Variants in SPTY2D1 observed in about 807,000 individuals in gnomAD.
The protein encoded by SPTY2D1 is protein SPT2 homolog.
In SPTY2D1, 21 loss-of-function variants were observed where a neutral mutation model predicts 64.0. The observed-to-expected ratio is 0.33, with a 90% CI of 0.23 to 0.47. The LOEUF (loss-of-function observed/expected upper bound fraction) is 0.47, where lower values mean the gene tolerates loss of function less well. Ranked by LOEUF, SPTY2D1 falls within the 20% of genes least tolerant of loss-of-function variation. The probability of loss-of-function intolerance (pLI) is 1.00; values close to 1 mark genes in which losing one functional copy is unlikely to be tolerated. For synonymous variants in SPTY2D1, 287 were observed against 286.8 expected (o/e 1.00, Z -0.01); for missense variants, 724 against 837.2 (o/e 0.86, Z 1.67).
At chr11:18,626,900 C>G (rs908818914) in intron 1 of SPTY2D1, among the ~76,000 whole-genome samples, 3 of 152,078 alleles carry the variant, frequency 2.0e-5, no homozygotes, top group Admixed American at 2.0e-4. Context: ...AGGTACTGCT[C>G]TAGGCTAGAA....
intron 1 of SPTY2D1, among the ~76,000 whole-genome samples, chr11:18,630,903 CCT>C (rs1473458419): frequency 6.6e-6 from 1 of 152,148 alleles, no homozygotes; most frequent in African/African-American, 2.4e-5. Context: ...CTCACTGCAA[CCT>C]CTGTCTTACT....
At chr11:18,619,374 T>C (rs1428815050) in intron 1 of SPTY2D1, among the ~76,000 whole-genome samples, 1 of 151,294 alleles carries the variant, frequency 6.6e-6, no homozygotes, top group South Asian at 2.1e-4. Flanking sequence ...ATCCTAGCAC[T>C]TTAGGAGGCT....
chr11:18,628,906 T>A (rs1854541535), intron 1 of SPTY2D1, among the ~76,000 whole-genome samples: 1 of 152,212 alleles, frequency 6.6e-6, no homozygotes, highest in Non-Finnish European at 1.5e-5. Flanking sequence ...CTATCATTTT[T>A]TATGCAGACT....
At position 18,615,689 on chromosome 11, in the gene SPTY2D1, T is replaced by A. The variant is rs776672974; in HGVS notation, c.585A>T (p.Arg195=). ...EIKVVKKSEE[R]PMTAEELRER... ...CCCTAAGTTCTTCTGCGGTCATAGG[T>A]CGCTCTTCTGATTTCTTCACTACCT... The change falls in exon 3 of 6, where the codon CGA becomes CGT. Residue 195 remains arginine, a synonymous_variant. Coordinates refer to ENST00000336349, the MANE Select transcript of SPTY2D1 (RefSeq NM_194285.3). 8 of 1,613,996 alleles carry A rather than the reference T, an allele frequency of 5.0e-6. No homozygotes were observed. The highest frequency in any genetic ancestry group is 1.3e-5 in the African/African-American group (1 of 74,878).
At chr11:18,618,639 C>T (rs2134112814) in intron 1 of SPTY2D1, among the ~76,000 whole-genome samples, 1 of 152,230 alleles carries the variant, frequency 6.6e-6, no homozygotes, top group African/African-American at 2.4e-5. Flanking sequence ...GTTGCTGTGG[C>T]TAGCAGAAAA....
At chr11:18,633,065 G>A (rs1277128175) in intron 1 of SPTY2D1, among the ~76,000 whole-genome samples, 1 of 152,082 alleles carries the variant, frequency 6.6e-6, no homozygotes, top group Non-Finnish European at 1.5e-5. Context: ...TTAGAGGAAT[G>A]GTTATTCAGA....
At chr11:18,629,523 G>A (rs933402474) in intron 1 of SPTY2D1, among the ~76,000 whole-genome samples, 4 of 152,092 alleles carry the variant, frequency 2.6e-5, no homozygotes, top group South Asian at 2.1e-4. Flanking sequence ...TTATAGCTAT[G>A]TGAAACCTGT....
intron 3 of SPTY2D1, among the ~76,000 whole-genome samples, chr11:18,614,095 G>C (rs906744893): frequency 6.6e-6 from 1 of 152,082 alleles, no homozygotes; most frequent in South Asian, 2.1e-4. Flanking sequence ...AGAGATCCTA[G>C]ACAAGTCTCT....
intron 1 of SPTY2D1, among the ~76,000 whole-genome samples, chr11:18,627,636 T>C (rs1215256977): frequency 2.6e-5 from 4 of 152,044 alleles, no homozygotes; most frequent in Non-Finnish European, 5.9e-5. Flanking sequence ...TCCACCACTT[T>C]GGGAGGCCGA....
intron 5 of SPTY2D1, among the ~76,000 whole-genome samples, chr11:18,610,477 CAT>C (rs1854183805): frequency 6.6e-6 from 1 of 151,718 alleles, no homozygotes; most frequent in South Asian, 2.1e-4. Flanking sequence ...GCCTGGCCAA[CAT>C]ATGGTGAAAC....
chr11:18,624,340 A>G (rs570195458), intron 1 of SPTY2D1, among the ~76,000 whole-genome samples: 1 of 152,324 alleles, frequency 6.6e-6, no homozygotes, highest in South Asian at 2.1e-4. Flanking sequence ...GGATGCATCC[A>G]TCAATTCTGA....
At chr11:18,611,131 AAAAAC>A (rs1270030035) in intron 5 of SPTY2D1, among the ~76,000 whole-genome samples, 2 of 151,604 alleles carry the variant, frequency 1.3e-5, no homozygotes, top group African/African-American at 4.8e-5. Flanking sequence ...CCCATCTCTT[AAAAAC>A]AAAACAAACA....
Position 18,612,607 on chromosome 11 carries a change from C to G in SPTY2D1, c.1712-119G>C. The G allele has an allele frequency of 1.1e-6, 1 of 905,460 alleles. No homozygotes were observed. Among genetic ancestry groups the G allele is most frequent in the South Asian group, 2.4e-5 (1 of 41,766 alleles). The allele number at this position is 905,460 out of a possible 1,614,324, so 56.1% of individuals were successfully genotyped here. On this transcript the variant is annotated intron_variant, in intron 3 of 5. Coordinates refer to ENST00000336349, the MANE Select transcript of SPTY2D1 (RefSeq NM_194285.3). The surrounding 1 kb of genome is among the most constrained non-coding windows in gnomAD (Gnocchi z 4.6). ...ATCCTTTAAAACCAGAGCAAGCAGG[C>G]TGGCCCTTAGCGCAGAGCCATCATC...
chr11:18,623,813 C>A (rs994313998), intron 1 of SPTY2D1, among the ~76,000 whole-genome samples: 1 of 152,190 alleles, frequency 6.6e-6, no homozygotes, highest in African/African-American at 2.4e-5. Flanking sequence ...GATACAGTGG[C>A]CTTTTGTATC....
rs1433805055 is a variant in SPTY2D1, at chr11:18,612,581, T to A, written c.1712-93A>T. ...AAATTGTGAGTCATCATTAAGATGG[T>A]ATCCTTTAAAACCAGAGCAAGCAGG... On this transcript the variant is annotated intron_variant, in intron 3 of 5. Coordinates refer to ENST00000336349, the MANE Select transcript of SPTY2D1 (RefSeq NM_194285.3). The surrounding 1 kb of genome is among the most constrained non-coding windows in gnomAD (Gnocchi z 4.6). The A allele has an allele frequency of 1.4e-5, 17 of 1,188,906 alleles. No homozygotes were observed. The East Asian group carries it at 4.5e-4, about 32-fold the overall frequency. 73.6% of individuals were successfully genotyped at this position (1,188,906 alleles called of 1,614,324 possible).
At chr11:18,630,881 G>A (rs574065201) in intron 1 of SPTY2D1, among the ~76,000 whole-genome samples, 2 of 152,172 alleles carry the variant, frequency 1.3e-5, no homozygotes, top group Admixed American at 1.3e-4. Context: ...GAGTGCAGTG[G>A]CACGATCTCC....
At chr11:18,622,097 A>AAAAAAAAAAAAAAAAAAAAAC (rs1565161221) in intron 1 of SPTY2D1, among the ~76,000 whole-genome samples, 6 of 147,840 alleles carry the variant, frequency 4.1e-5, no homozygotes, top group African/African-American at 1.5e-4. Context: ...AAAAAAAAAA[A>AAAAAAAAAAAAAAAAAAAAAC]AAAAAAACCA....
rs986108834 is a variant in SPTY2D1, at chr11:18,612,992, G to A, written c.1712-504C>T. ...TTGGTCAGGCTGGTCTCGAACTCCC[G>A]ACCTCAGGTGATCTGTCTGCCTTGG... On this transcript the variant is annotated intron_variant, in intron 3 of 5. Transcript: ENST00000336349. The surrounding 1 kb of genome is among the most constrained non-coding windows in gnomAD (Gnocchi z 4.6). Among the ~76,000 whole-genome samples, 23 of 152,126 alleles carry A rather than the reference G, an allele frequency of 1.5e-4. No individual in the cohort carries two copies. The highest frequency in any genetic ancestry group is 1.8e-4 in the Non-Finnish European group (12 of 68,012).
chr11:18,612,469 G>A lies in SPTY2D1; in HGVS notation c.1731C>T (p.Phe577=), dbSNP rs1249536666. 3 of 1,601,448 alleles carry A rather than the reference G, an allele frequency of 1.9e-6. No homozygotes were observed. The African/African-American group carries it at 4.0e-5, about 21-fold the overall frequency. ...CTCGCTGCCTTTTGTAACCAGTAGG[G>A]AAGGGAAGCCTTTGAGGACCTAAGA... ...RAAQGPQRLP[F]PTGYKRQREY... Residue 577 remains phenylalanine (F), a synonymous_variant, in exon 4 of 6, where the codon TTC becomes TTT. Coordinates refer to ENST00000336349, the MANE Select transcript of SPTY2D1 (RefSeq NM_194285.3). The surrounding 1 kb of genome is among the most constrained non-coding windows in gnomAD (Gnocchi z 4.6).
Sources: gnomAD v4.1 joint callset for allele counts (sites outside exome capture counted in the v4.1 genomes callset) on GRCh38, gnomAD v4.1.1 for gene constraint, Gnocchi (gnomAD v3.1) non-coding constraint, MANE v1.5 for transcripts, NCBI Gene and HGNC (gene_info 2026-07-23, HGNC 2026-07-21) for gene names.